ANTXR2: variants seen among roughly 807,000 people sequenced by gnomAD.
ANTXR2 encodes the protein ANTXR cell adhesion molecule 2, also known as anthrax toxin receptor 2.
Under a neutral mutation model 73.7 loss-of-function variants are expected in ANTXR2, and 44 were observed. The ratio of observed to expected loss-of-function variants is 0.60; its 90% CI spans 0.47 to 0.77. ANTXR2 has a LOEUF of 0.77. Ranked by LOEUF, ANTXR2 falls within the 30% of genes least tolerant of loss-of-function variation. The pLI, the probability that ANTXR2 is intolerant of heterozygous loss-of-function variation, is 0.00. For missense variants in ANTXR2, 604 were observed against 592.5 expected, an observed-to-expected ratio of 1.02 and a Z score of -0.20; for synonymous variants, 217 against 205.9, an observed-to-expected ratio of 1.05 and a Z score of -0.46.
chr4:79,912,436 TA>T (rs976622686), intron 16 of ANTXR2, among the ~76,000 whole-genome samples: 1 of 152,008 alleles, frequency 6.6e-6, no homozygotes, highest in African/African-American at 2.4e-5. Flanking sequence ...GGAAACATTT[TA>T]TTTGCCTAAT....
In ANTXR2 at chr4:79,925,129, C is replaced by A. The variant is rs79118698; in HGVS notation, c.1429-17662G>T. Among the ~76,000 whole-genome samples, 141 of 152,212 alleles carry A rather than the reference C, an allele frequency of 9.3e-4. 1 individual carries two copies. Among genetic ancestry groups the A allele is most frequent in the Admixed American group, 3.7e-3 (57 of 15,272 alleles). On this transcript the variant is annotated intron_variant, in intron 16 of 16. Coordinates refer to ENST00000403729, the MANE Select transcript of ANTXR2 (RefSeq NM_058172.6). ...GAGAAGGCTGAATGAATAAAATATT[C>A]TTGTGCTGGCAAAACCCAAACCTGG... is the stretch of plus-strand genomic sequence containing the variant.
intron 12 of ANTXR2, among the ~76,000 whole-genome samples, chr4:79,985,421 C>A (rs1484519776): frequency 6.6e-6 from 1 of 151,822 alleles, no homozygotes; most frequent in Admixed American, 6.6e-5. Context: ...ACTTCTCAGG[C>A]TAGGTCAAAA....
intron 10 of ANTXR2, chr4:80,024,721 A>G: frequency 2.2e-6 from 1 of 451,898 alleles, no homozygotes; most frequent in South Asian, 1.6e-5. Flanking sequence ...AGATCATGCC[A>G]CTTCACTCCA....
At chr4:79,997,614 G>A (rs1730791357) in intron 12 of ANTXR2, among the ~76,000 whole-genome samples, 1 of 151,912 alleles carries the variant, frequency 6.6e-6, no homozygotes, top group African/African-American at 2.4e-5. Flanking sequence ...ACCAAAATAT[G>A]ATTCAAGTTA....
At chr4:80,041,845 C>T (rs1204401031) in intron 7 of ANTXR2, among the ~76,000 whole-genome samples, 1 of 152,112 alleles carries the variant, frequency 6.6e-6, no homozygotes, top group Non-Finnish European at 1.5e-5. Context: ...ATATGTACTA[C>T]ATTCTGTTAA....
At chr4:80,021,394 T>C (rs1223966138) in intron 10 of ANTXR2, among the ~76,000 whole-genome samples, 1 of 152,140 alleles carries the variant, frequency 6.6e-6, no homozygotes, top group African/African-American at 2.4e-5. Flanking sequence ...ATTCCTCTAC[T>C]TTAAAGAATG....
intron 10 of ANTXR2, among the ~76,000 whole-genome samples, chr4:80,023,274 C>A (rs926512456): frequency 1.3e-5 from 2 of 152,030 alleles, no homozygotes; most frequent in African/African-American, 2.4e-5. Flanking sequence ...TAAAACATGA[C>A]CTTGATTAAA....
At chr4:80,058,687 A>AAG (rs1553894803) in intron 3 of ANTXR2, among the ~76,000 whole-genome samples, 2 of 151,824 alleles carry the variant, frequency 1.3e-5, no homozygotes, top group Non-Finnish European at 1.5e-5. Context: ...GTTAAAAAAA[A>AAG]AAGCCTCTAA....
At chr4:79,907,544 C>A (rs774363382) in intron 16 of ANTXR2, 77 bp from the exon 17 acceptor site, 304 of 1,440,436 alleles carry the variant, frequency 2.1e-4, no homozygotes, top group Non-Finnish European at 2.8e-4. Flanking sequence ...AGTTTTCCTA[C>A]CATGATAATA....
chr4:79,958,049 C>A (rs561454504), intron 16 of ANTXR2, among the ~76,000 whole-genome samples: 18 of 151,872 alleles, frequency 1.2e-4, no homozygotes, highest in African/African-American at 4.3e-4. Flanking sequence ...ATATCTCTTC[C>A]CTATTCTTCA....
chr4:80,037,764 T>G (rs1343914996), intron 7 of ANTXR2, among the ~76,000 whole-genome samples: 1 of 151,954 alleles, frequency 6.6e-6, no homozygotes, highest in Non-Finnish European at 1.5e-5. Context: ...CTGAAGGAAA[T>G]AGAATAGAAA....
At chr4:79,911,531 CAGGTGACA>C (rs1324435730) in intron 16 of ANTXR2, among the ~76,000 whole-genome samples, 1 of 151,604 alleles carries the variant, frequency 6.6e-6, no homozygotes, top group Non-Finnish European at 1.5e-5. Flanking sequence ...ATACTAGTAT[CAGGTGACA>C]GGATTACATA....
At chr4:79,965,293 C>G (rs919808137) in intron 16 of ANTXR2, among the ~76,000 whole-genome samples, 1 of 152,180 alleles carries the variant, frequency 6.6e-6, no homozygotes, top group Non-Finnish European at 1.5e-5. Context: ...ATGCTGTTGA[C>G]TAGGCAGAGG....
In ANTXR2 at chr4:79,907,285, G is replaced by T; in HGVS notation, c.*144C>A. 8 of 854,948 alleles carry T rather than the reference G, an allele frequency of 9.4e-6. No individual in the cohort carries two copies. Among genetic ancestry groups the T allele is most frequent in the Non-Finnish European group, 1.5e-5 (8 of 528,592 alleles). The allele number at this position is 854,948 out of a possible 1,614,324, so 53.0% of individuals were successfully genotyped here. ...ATGTTTGGTGCAAGCAAAGCAGAAG[G>T]CAGAGAAAACATTTCCCGACTGAGA... On this transcript the variant is annotated 3_prime_UTR_variant, in exon 17 of 17. Coordinates refer to ENST00000403729, the MANE Select transcript of ANTXR2 (RefSeq NM_058172.6).
intron 16 of ANTXR2, among the ~76,000 whole-genome samples, chr4:79,932,655 G>C (rs2109962704): frequency 6.6e-6 from 1 of 152,024 alleles, no homozygotes; most frequent in Admixed American, 6.5e-5. Flanking sequence ...AGATGGGCAT[G>C]ATGGCGGGCG....
chr4:79,908,477 A>AT (rs1020246242), intron 16 of ANTXR2, among the ~76,000 whole-genome samples: 5 of 152,092 alleles, frequency 3.3e-5, no homozygotes, highest in Non-Finnish European at 7.4e-5. Flanking sequence ...ATTTTTTTCC[A>AT]TTTTTTCCAA....
intron 11 of ANTXR2, among the ~76,000 whole-genome samples, chr4:80,015,398 A>G (rs1402237439): frequency 1.3e-5 from 2 of 152,180 alleles, no homozygotes; most frequent in Non-Finnish European, 2.9e-5. Context: ...TTCTAGGACT[A>G]TTTCTACCAC....
At chr4:80,069,259 T>A (rs1305914674) in intron 3 of ANTXR2, among the ~76,000 whole-genome samples, 177 bp downstream of exon 3, 1 of 152,228 alleles carries the variant, frequency 6.6e-6, no homozygotes, top group African/African-American at 2.4e-5. Flanking sequence ...ATATTGATTT[T>A]CAGATTAACT....
At chr4:79,929,255 C>G (rs1436150674) in intron 16 of ANTXR2, among the ~76,000 whole-genome samples, 1 of 152,152 alleles carries the variant, frequency 6.6e-6, no homozygotes, top group Admixed American at 6.6e-5. Flanking sequence ...TGGCTCACCC[C>G]TGTAATCCCA....
Sources: allele counts gnomAD v4.1 joint callset (sites outside exome capture counted in the v4.1 genomes callset), GRCh38; gene constraint gnomAD v4.1.1; transcripts MANE v1.5; gene names NCBI Gene and HGNC (gene_info 2026-07-23, HGNC 2026-07-21).